The following AIM2 variants were observed in gnomAD, a reference collection of about 807,000 sequenced individuals.
AIM2 encodes absent in melanoma 2, also known as interferon-inducible protein AIM2.
A neutral mutation model predicts 27.7 loss-of-function variants in AIM2; 30 were observed. The ratio of observed to expected loss-of-function variants is 1.08; its 90% CI spans 0.81 to 1.47. AIM2 has a LOEUF of 1.47. Ranked by LOEUF, AIM2 falls within the 40% of genes most tolerant of loss-of-function variation. The pLI, the probability that AIM2 is intolerant of heterozygous loss-of-function variation, is 0.00. For synonymous variants in AIM2, 141 were observed against 145.3 expected (o/e 0.97, Z 0.21); for missense variants, 358 against 411.3 (o/e 0.87, Z 1.12).
At chr1:159,062,802 A>G in intron 5 of AIM2, 84 bp from the exon 6 acceptor site, 1 of 1,242,722 alleles carries the variant, frequency 8.0e-7, no homozygotes, top group Non-Finnish European at 1.2e-6. Context: ...GGCCTTCTGA[A>G]GTGTATGTAT....
At chr1:159,059,383 AAGCC>A (rs1655759227), downstream of AIM2, among the ~76,000 whole-genome samples, 1 of 152,140 alleles carries the variant, frequency 6.6e-6, no homozygotes, top group African/African-American at 2.4e-5. Flanking sequence ...GATGCTACAG[AAGCC>A]AGTTTTCTCA....
intron 1 of AIM2, among the ~76,000 whole-genome samples, chr1:159,127,974 C>T (rs1647766702): frequency 6.6e-6 from 1 of 152,180 alleles, no homozygotes; most frequent in Non-Finnish European, 1.5e-5. Context: ...CTGCTGCAAT[C>T]TCTTAATCTG....
chr1:159,135,821 A>C (rs1648001894), intron 1 of AIM2, among the ~76,000 whole-genome samples: 1 of 152,100 alleles, frequency 6.6e-6, no homozygotes. Context: ...CAAGGAATTC[A>C]CCCAGAAAAA....
At chr1:159,078,056 C>T (rs985529678), upstream of AIM2, among the ~76,000 whole-genome samples, 3 of 152,166 alleles carry the variant, frequency 2.0e-5, no homozygotes, top group African/African-American at 7.2e-5. Context: ...GCTGCAGGAC[C>T]TCCTTCACTT....
At position 159,068,637 on chromosome 1, in the gene AIM2, A is replaced by G. The variant is rs556868067; in HGVS notation, c.327T>C (p.Ala109=). ...KPLSQAEMSP[A]ASAAIRNDVA... is the part of the protein sequence containing the mutation. ...CATCATTTCTGATGGCTGCAGATGC[A>G]GCAGGACTCATTTCAGCTTGACTTA... The change falls in exon 3 of 6, where the codon GCT becomes GCC. Residue 109 remains alanine (A), a synonymous_variant. Transcript: ENST00000368130. 2.5e-6 allele frequency: 4 copies of G among 1,613,946 alleles called. No homozygotes were observed. The highest frequency in any genetic ancestry group is 4.5e-5 in the East Asian group (2 of 44,880).
chr1:159,073,155 G>T, intron 2 of AIM2, 83 bp downstream of exon 2: 4 of 1,536,844 alleles, frequency 2.6e-6, no homozygotes, highest in Non-Finnish European at 3.6e-6. Flanking sequence ...TGCACTGGGG[G>T]TCATATCCCA....
At chr1:159,115,524 A>G (rs1647309648) in intron 1 of AIM2, among the ~76,000 whole-genome samples, 1 of 152,196 alleles carries the variant, frequency 6.6e-6, no homozygotes, top group Non-Finnish European at 1.5e-5. Context: ...CTCAGGAATA[A>G]TGCCGCATAT....
chr1:159,092,555 T>C (rs959674368), intron 1 of AIM2, among the ~76,000 whole-genome samples: 1 of 152,120 alleles, frequency 6.6e-6, no homozygotes, highest in Admixed American at 6.5e-5. Flanking sequence ...GGCAACATCA[T>C]GTCAGGAAGT....
chr1:159,111,829 ATCAT>A (rs2102029340), intron 1 of AIM2, among the ~76,000 whole-genome samples: 1 of 127,664 alleles, frequency 7.8e-6, no homozygotes, highest in African/African-American at 3.2e-5. Context: ...CTATCTATCT[ATCAT>A]CTATCTATCT....
chr1:159,095,963 A>G (rs1657173480), intron 1 of AIM2, among the ~76,000 whole-genome samples: 1 of 152,202 alleles, frequency 6.6e-6, no homozygotes, highest in African/African-American at 2.4e-5. Context: ...CTCATATATT[A>G]AATCTCAATA....
chr1:159,074,414 C>G (rs1320309913), intron 1 of AIM2, among the ~76,000 whole-genome samples: 1 of 151,838 alleles, frequency 6.6e-6, no homozygotes, highest in Non-Finnish European at 1.5e-5. Flanking sequence ...TGAATTTTCC[C>G]AGAATCATAT....
At chr1:159,145,791 C>CA (rs1648190665) in intron 1 of AIM2, among the ~76,000 whole-genome samples, 1 of 152,118 alleles carries the variant, frequency 6.6e-6, no homozygotes, top group Non-Finnish European at 1.5e-5. Flanking sequence ...CCACCTCTGA[C>CA]AGATTCTCCA....
intron 1 of AIM2, among the ~76,000 whole-genome samples, chr1:159,087,547 G>A (rs755584371): frequency 2.6e-5 from 4 of 151,106 alleles, no homozygotes; most frequent in Non-Finnish European, 5.9e-5. Flanking sequence ...AGCAATGCCA[G>A]GCTTTTTCTT....
intron 1 of AIM2, among the ~76,000 whole-genome samples, chr1:159,100,340 A>G (rs1657285804): frequency 6.6e-6 from 1 of 152,198 alleles, no homozygotes; most frequent in African/African-American, 2.4e-5. Context: ...TTTTAAGTTC[A>G]TCTTTATTTT....
At chr1:159,117,292 TA>T (rs1056051623) in intron 1 of AIM2, among the ~76,000 whole-genome samples, 3 of 152,102 alleles carry the variant, frequency 2.0e-5, no homozygotes, top group African/African-American at 7.2e-5. Flanking sequence ...GAATGTAGCT[TA>T]AAAAAGATCA....
At chr1:159,066,588 T>A (rs775973958) in intron 3 of AIM2, among the ~76,000 whole-genome samples, 2 of 152,306 alleles carry the variant, frequency 1.3e-5, no homozygotes, top group South Asian at 4.1e-4. Context: ...TGAAACCAAA[T>A]CCTTGCTTTG....
intron 2 of AIM2, among the ~76,000 whole-genome samples, chr1:159,070,835 G>A (rs755412352): frequency 3.3e-5 from 5 of 152,318 alleles, no homozygotes; most frequent in Admixed American, 1.3e-4. Context: ...AAGGTATGCA[G>A]ATAAAGTCTC....
chr1:159,113,563 C>G lies in AIM2; in HGVS notation c.-16+26868G>C, dbSNP rs77534583. 1.5e-4 allele frequency among the ~76,000 whole-genome samples: 23 copies of G among 152,270 alleles called. No homozygotes were observed. The South Asian group carries it at 4.4e-3, about 29-fold the overall frequency. On this transcript the variant is annotated intron_variant, in intron 1 of 2. Coordinates refer to the AIM2 transcript ENST00000368129. ...TTTCAGTTAACTGAGGGTTTAAAATCGGACTACCTACAGCTTTTTCTTTTC... is the reference window on the plus strand; with the variant it reads ...TTTCAGTTAACTGAGGGTTTAAAATGGGACTACCTACAGCTTTTTCTTTTC...
chr1:159,063,587 T>C lies in AIM2; in HGVS notation c.904A>G (p.Met302Val), dbSNP rs771344708. The change falls in exon 5 of 6, where the codon ATG (methionine) becomes GTG (valine). Residue 302 changes from methionine (M) to valine (V), a missense_variant. By Grantham distance (21) the Met-to-Val change is conservative. Coordinates refer to ENST00000368130, the MANE Select transcript of AIM2 (RefSeq NM_004833.3). ...ACCTTATCTCCTTCCTTACATTTCA[T>C]TGTGTCCTCGTTTCTAACCCCCAGT... ...EVLGVRNEDTMKCKEGDKVRL... is the reference protein window; with the variant it reads ...EVLGVRNEDTVKCKEGDKVRL... 5.1e-5 allele frequency: 82 copies of C among 1,614,092 alleles called. No homozygotes were observed. Among genetic ancestry groups the C allele is most frequent in the East Asian group, 8.9e-5 (4 of 44,894 alleles).
Sources: gnomAD v4.1 joint callset for allele counts (sites outside exome capture counted in the v4.1 genomes callset) on GRCh38, gnomAD v4.1.1 for gene constraint, MANE v1.5 for transcripts, NCBI Gene and HGNC (gene_info 2026-07-23, HGNC 2026-07-21) for gene names.